The following DCUN1D5 variants were observed in gnomAD, a reference collection of about 807,000 sequenced individuals.
DCUN1D5 encodes defective in cullin neddylation 1 domain containing 5, also known as DCN1-like protein 5.
A neutral mutation model predicts 38.3 loss-of-function variants in DCUN1D5; 10 were observed. That is an observed-to-expected ratio of 0.26 (90% CI 0.16 to 0.44). The LOEUF is 0.44. DCUN1D5 is among the 20% of genes least tolerant of loss of function. DCUN1D5 has a pLI of 1.00. For missense variants in DCUN1D5, 148 were observed against 275.3 expected (o/e 0.54, Z 3.27); for synonymous variants, 93 against 90.9 (o/e 1.02, Z -0.13).
rs1861772079 is a variant in DCUN1D5, at chr11:103,052,661, T to A, written c.*9698A>T. The A allele has an allele frequency of 6.6e-6, 1 of 152,128 alleles. No homozygotes were observed. The highest frequency in any genetic ancestry group is 1.5e-5 in the Non-Finnish European group (1 of 68,016). The allele number at this position is 152,128 out of a possible 1,614,324, so 9.4% of individuals were successfully genotyped here. A position where few individuals can be genotyped will look rare whatever the true frequency, so the allele number is the denominator to read the frequency against. ...CTTGGTAGTTCTTACATATCATCCTTTTTTAGACCAGCTCTAGATAATGAA... is the reference window on the plus strand; with the variant it reads ...CTTGGTAGTTCTTACATATCATCCTATTTTAGACCAGCTCTAGATAATGAA... On this transcript the variant is annotated 3_prime_UTR_variant, in exon 8 of 8. Coordinates refer to ENST00000260247, the MANE Select transcript of DCUN1D5 (RefSeq NM_032299.4).
Position 103,059,250 on chromosome 11 carries a change from C to A in DCUN1D5, c.*3109G>T, listed in dbSNP as rs1420125357. Among the ~76,000 whole-genome samples the A allele has an allele frequency of 2.0e-5, 3 of 152,072 alleles. No individual in the cohort carries two copies. The highest frequency in any genetic ancestry group is 4.4e-5 in the Non-Finnish European group (3 of 67,992). ...AGAAATACTTCAAAGTGAAATGTTT[C>A]ATTTTATACGTATGTATCATGTATT... On this transcript the variant is annotated 3_prime_UTR_variant, in exon 8 of 8. Transcript: ENST00000260247.
rs1862076490 is a variant in DCUN1D5 at position 103,063,996 on chromosome 11, A to G, written c.658+279T>C. On this transcript the variant is annotated intron_variant, in intron 7 of 7. Transcript: ENST00000260247. This position sits in a 1 kb window ranked among gnomAD's most constrained non-coding sequence, Gnocchi z 4.6. ...GGCAAATGCCAGGAAAGACAGAAAC[A>G]AAGCTGAATTTTAGCTTCTGGATGC... Among the ~76,000 whole-genome samples, 1 of 152,192 alleles carries G rather than the reference A, an allele frequency of 6.6e-6. No individual in the cohort carries two copies. The highest frequency in any genetic ancestry group is 2.4e-5 in the African/African-American group (1 of 41,456).
rs1388960118 is a variant in DCUN1D5 at position 103,089,328 on chromosome 11, C to T, written c.87-10G>A. The T allele has an allele frequency of 1.8e-5, 29 of 1,591,852 alleles. No individual in the cohort carries two copies. The highest frequency in any genetic ancestry group is 2.5e-5 in the Non-Finnish European group (29 of 1,165,854). ...TTGGGATCTGCAATAGCTTAGAAAA[C>T]ACACAGACGCCTAAGATTTTTATCA... On this transcript the variant is annotated splice_polypyrimidine_tract_variant and intron_variant, in intron 1 of 7. Coordinates refer to ENST00000260247, the MANE Select transcript of DCUN1D5 (RefSeq NM_032299.4).
At chr11:103,085,669 C>T (rs936016643) in intron 2 of DCUN1D5, among the ~76,000 whole-genome samples, 5 of 152,144 alleles carry the variant, frequency 3.3e-5, no homozygotes, top group African/African-American at 9.7e-5. Flanking sequence ...GTGCTTTCCC[C>T]GGACTGCAAA....
rs375264114 is a variant in DCUN1D5 at position 103,091,349 on chromosome 11, C to T, written c.86+438G>A. ...CATTCCCAAGACAGTTGTCAAGATT[C>T]CTTATGTTCTGCTTTCTTCACACTC... On this transcript the variant is annotated intron_variant, in intron 1 of 7. Coordinates refer to ENST00000260247, the MANE Select transcript of DCUN1D5 (RefSeq NM_032299.4). This position sits in a 1 kb window ranked among gnomAD's most constrained non-coding sequence, Gnocchi z 4.3. Among the ~76,000 whole-genome samples the T allele has an allele frequency of 6.6e-6, 1 of 152,020 alleles. No homozygotes were observed. The highest frequency in any genetic ancestry group is 1.5e-5 in the Non-Finnish European group (1 of 68,010).
chr11:103,089,354 C>T, intron 1 of DCUN1D5, 36 bp from the exon 2 acceptor site: 1 of 1,520,848 alleles, frequency 6.6e-7, no homozygotes, highest in East Asian at 2.3e-5. Context: ...ATTTTTATCA[C>T]ATCTCAACTC....
rs931622767 is a variant in DCUN1D5, at chr11:103,052,295, C to A, written c.*10064G>T. ...ATATGTGTACAATTGGTCATTCATTCATTAATTCAGTAAGCAAACTCAATT... is the reference window on the plus strand; with the variant it reads ...ATATGTGTACAATTGGTCATTCATTAATTAATTCAGTAAGCAAACTCAATT... On this transcript the variant is annotated 3_prime_UTR_variant, in exon 8 of 8. Transcript: ENST00000260247. The A allele has an allele frequency of 6.6e-6, 1 of 152,110 alleles. No homozygotes were observed. The highest frequency in any genetic ancestry group is 2.4e-5 in the African/African-American group (1 of 41,424). The allele number at this position is 152,110 out of a possible 1,614,324, so 9.4% of individuals were successfully genotyped here. A position where few individuals can be genotyped will look rare whatever the true frequency, so the allele number is the denominator to read the frequency against.
At chr11:103,075,518 A>G (rs1014184556) in intron 4 of DCUN1D5, among the ~76,000 whole-genome samples, 1 of 152,004 alleles carries the variant, frequency 6.6e-6, no homozygotes, top group Non-Finnish European at 1.5e-5. Flanking sequence ...AGTAGCTGGG[A>G]CTATAGGCGC....
chr11:103,076,724 A>G (rs2134621493), intron 4 of DCUN1D5, among the ~76,000 whole-genome samples: 1 of 152,356 alleles, frequency 6.6e-6, no homozygotes, highest in South Asian at 2.1e-4. Flanking sequence ...TAGGACAACC[A>G]TAAAGATTAA....
chr11:103,082,657 G>T, intron 4 of DCUN1D5, 91 bp downstream of exon 4: 1 of 846,350 alleles, frequency 1.2e-6, no homozygotes, highest in Non-Finnish European at 1.9e-6. Context: ...GATTTAAGGT[G>T]AAACCTTACT....
rs1861823249 is a variant in DCUN1D5, at chr11:103,054,444, G to A, written c.*7915C>T. 6.6e-6 allele frequency: 1 copy of A among 152,088 alleles called. No individual in the cohort carries two copies. The highest frequency in any genetic ancestry group is 2.4e-5 in the African/African-American group (1 of 41,418). The allele number at this position is 152,088 out of a possible 1,614,324, so 9.4% of individuals were successfully genotyped here. ...GTTCAAACACTGTAAACTGAATTGT[G>A]TGATGGGCACTTGGAGGCACCAAAA... On this transcript the variant is annotated 3_prime_UTR_variant, in exon 8 of 8. Transcript: ENST00000260247.
rs1261253580 is a variant in DCUN1D5 at position 103,050,710 on chromosome 11, TTATC to T, written c.*11645_*11648del. 8 of 152,322 alleles carry T rather than the reference TTATC, an allele frequency of 5.3e-5. No individual in the cohort carries two copies. Among genetic ancestry groups the T allele is most frequent in the East Asian group, 3.9e-4 (2 of 5,190 alleles). The allele number at this position is 152,322 out of a possible 1,614,324, so 9.4% of individuals were successfully genotyped here. A position where few individuals can be genotyped will look rare whatever the true frequency, so the allele number is the denominator to read the frequency against. ...ATCTTATACAAGTGAAATCATTTAT[TTATC>T]TATTCATTTTCATTTATTCCATTTA... On this transcript the variant is annotated 3_prime_UTR_variant, in exon 8 of 8. Transcript: ENST00000260247.
rs1456333051 is a variant in DCUN1D5, at chr11:103,058,084, CAA to C, written c.*4273_*4274del. 6.6e-6 allele frequency among the ~76,000 whole-genome samples: 1 copy of C among 152,034 alleles called. No individual in the cohort carries two copies. The highest frequency in any genetic ancestry group is 1.5e-5 in the Non-Finnish European group (1 of 68,024). On this transcript the variant is annotated 3_prime_UTR_variant, in exon 8 of 8. Coordinates refer to ENST00000260247, the MANE Select transcript of DCUN1D5 (RefSeq NM_032299.4). ...CTCCAATAAAATTGGCATTATAAGA[CAA>C]GATTCAATACTTAGGTTAAAATCTA...
Position 103,061,027 on chromosome 11 carries a change from G to GAACT in DCUN1D5, c.*1331_*1332insAGTT, listed in dbSNP as rs925304469. 1.3e-5 allele frequency among the ~76,000 whole-genome samples: 2 copies of GAACT among 152,078 alleles called. No individual in the cohort carries two copies. Among genetic ancestry groups the GAACT allele is most frequent in the African/African-American group, 4.8e-5 (2 of 41,428 alleles). ...AAACTGTACAAAGTAATCTTATTAAGAAGGCAAGTAAAACAGTGGCAATCA... is the reference window on the plus strand; with the variant it reads ...AAACTGTACAAAGTAATCTTATTAAGAACTAAGGCAAGTAAAACAGTGGCAATCA... On this transcript the variant is annotated 3_prime_UTR_variant, in exon 8 of 8. Transcript: ENST00000260247.
chr11:103,090,275 G>A (rs2509112), intron 1 of DCUN1D5, among the ~76,000 whole-genome samples: 44,714 of 151,990 alleles, frequency 0.29, 7,587 homozygotes, highest in African/African-American at 0.48. Context: ...TAATTTGCCT[G>A]TATCTTATAA....
chr11:103,079,093 C>T (rs1862485521), intron 4 of DCUN1D5, among the ~76,000 whole-genome samples: 1 of 152,152 alleles, frequency 6.6e-6, no homozygotes, highest in Non-Finnish European at 1.5e-5. Flanking sequence ...CAGCGGCATT[C>T]GATTCTCACA....
intron 4 of DCUN1D5, among the ~76,000 whole-genome samples, 153 bp downstream of exon 4, chr11:103,082,595 A>T (rs1257670960): frequency 6.6e-6 from 1 of 152,084 alleles, no homozygotes; most frequent in East Asian, 1.9e-4. Flanking sequence ...GCCCAAGACC[A>T]CAATATAATT....
Position 103,076,315 on chromosome 11 carries a change from T to G in DCUN1D5, c.341+6433A>C, listed in dbSNP as rs1338432771. Among the ~76,000 whole-genome samples the G allele has an allele frequency of 2.0e-5, 3 of 152,152 alleles. No individual in the cohort carries two copies. The East Asian group carries it at 5.8e-4, about 29-fold the overall frequency. Reference sequence around the variant, plus strand: ...TATATAATGTTTCAAAATTCCTATCTGGGAGAAACTTAGTGGTAAATGGTA... The same window carrying G: ...TATATAATGTTTCAAAATTCCTATCGGGGAGAAACTTAGTGGTAAATGGTA... On this transcript the variant is annotated intron_variant, in intron 4 of 7. Transcript: ENST00000260247.
At position 103,062,212 on chromosome 11, in the gene DCUN1D5, ACCT is replaced by A. The variant is rs1186998300; in HGVS notation, c.*144_*146del. 8.5e-6 allele frequency: 6 copies of A among 704,836 alleles called. No individual in the cohort carries two copies. Among genetic ancestry groups the A allele is most frequent in the Admixed American group, 2.9e-5 (1 of 35,044 alleles). The allele number at this position is 704,836 out of a possible 1,614,324, so 43.7% of individuals were successfully genotyped here. A position where few individuals can be genotyped will look rare whatever the true frequency, so the allele number is the denominator to read the frequency against. ...ATGCCCATCACATGTAACAAGAAAAACCTCCTTTAAAAAAAGGAAAAAAAAGTA... is the reference window on the plus strand; with the variant it reads ...ATGCCCATCACATGTAACAAGAAAAACCTTTAAAAAAAGGAAAAAAAAGTA... On this transcript the variant is annotated 3_prime_UTR_variant, in exon 8 of 8. Transcript: ENST00000260247. This position sits in a 1 kb window ranked among gnomAD's most constrained non-coding sequence, Gnocchi z 4.6.
Sources: gnomAD v4.1 joint callset for allele counts (sites outside exome capture counted in the v4.1 genomes callset) on GRCh38, gnomAD v4.1.1 for gene constraint, Gnocchi (gnomAD v3.1) non-coding constraint, MANE v1.5 for transcripts, NCBI Gene and HGNC (gene_info 2026-07-23, HGNC 2026-07-21) for gene names.